The following OTOG variants were observed in gnomAD, a reference collection of about 807,000 sequenced individuals.
OTOG encodes the protein otogelin.
In OTOG, 296 loss-of-function variants were observed where a neutral mutation model predicts 313.8. The ratio of observed to expected loss-of-function variants is 0.94; its 90% CI spans 0.86 to 1.04. The LOEUF (loss-of-function observed/expected upper bound fraction) is 1.04, where lower values mean the gene tolerates loss of function less well. OTOG is among the 50% of genes least tolerant of loss of function. OTOG has a pLI of 0.00. For synonymous variants in OTOG, 1,533 were observed against 1,554.9 expected, an observed-to-expected ratio of 0.99 and a Z score of 0.33; for missense variants, 3,948 against 3,840.1, an observed-to-expected ratio of 1.03 and a Z score of -0.74.
At chr11:17,599,807 G>A (rs374687186) in intron 31 of OTOG, 110 bp downstream of exon 31, 32 of 1,323,718 alleles carry the variant, frequency 2.4e-5, no homozygotes, top group Middle Eastern at 3.6e-4. Flanking sequence ...TGGAAGAGCC[G>A]TGACCCGGAA....
In OTOG at chr11:17,586,532, G is replaced by T; in HGVS notation, c.2818G>T (p.Gly940Trp). The part of the protein sequence containing the change: ...LPEECPCTWK[G>W]KEYFPGDQVM... ...AGAGGAGTGCCCCTGCACTTGGAAG[G>T]GGAAGGAGTATTTCCCTGGGGACCA... is the stretch of plus-strand genomic sequence containing the variant. Residue 940 changes from glycine (G) to tryptophan (W), a missense_variant, in exon 24 of 56, where the codon GGG becomes TGG. Gly to Trp is a radical substitution (Grantham distance 184). Transcript: ENST00000399397. 2.1e-6 allele frequency: 3 copies of T among 1,452,244 alleles called. No individual in the cohort carries two copies. The highest frequency in any genetic ancestry group is 1.5e-5 in the South Asian group (1 of 67,698). 90.0% of individuals were successfully genotyped at this position (1,452,244 alleles called of 1,614,324 possible).
At chr11:17,635,567 A>G (rs1398329081) in intron 46 of OTOG, 43 bp from the exon 47 acceptor site, 2 of 1,471,884 alleles carry the variant, frequency 1.4e-6, no homozygotes, top group East Asian at 2.5e-5. Context: ...CCAGGCCCCT[A>G]TGAGAGGACT....
intron 48 of OTOG, 160 bp downstream of exon 48, chr11:17,638,709 A>G (rs1239719586): frequency 1.3e-6 from 2 of 1,534,228 alleles, no homozygotes; most frequent in East Asian, 2.5e-5. Context: ...CTGCATCCGC[A>G]CTCCAAGTGC....
chr11:17,589,214 C>T (rs192100719), intron 24 of OTOG, among the ~76,000 whole-genome samples: 3 of 152,228 alleles, frequency 2.0e-5, no homozygotes, highest in Non-Finnish European at 1.5e-5. Flanking sequence ...TCAGAAGGGT[C>T]GAAAAGGCCC....
Position 17,646,016 on chromosome 11 carries a change from A to C in OTOG, c.*72A>C. The C allele has an allele frequency of 7.1e-7, 1 of 1,410,578 alleles. No homozygotes were observed. Among genetic ancestry groups the C allele is most frequent in the African/African-American group, 1.4e-5 (1 of 70,578 alleles). The allele number at this position is 1,410,578 out of a possible 1,614,324, so 87.4% of individuals were successfully genotyped here. A position where few individuals can be genotyped will look rare whatever the true frequency, so the allele number is the denominator to read the frequency against. ...TCTGTTTCCAGCTGGCCCAATGTGA[A>C]TGGGGGTATTAAAGGTGGTAGAAAT... On this transcript the variant is annotated 3_prime_UTR_variant, in exon 56 of 56. Coordinates refer to ENST00000399397, the MANE Select transcript of OTOG (RefSeq NM_001292063.2).
rs538194505 is a variant in OTOG, at chr11:17,641,078, T to C, written c.8177T>C (p.Ile2726Thr). Residue 2726 changes from isoleucine (I) to threonine (T), a missense_variant, in exon 51 of 56, where the codon ATC becomes ACC. Coordinates refer to ENST00000399397, the MANE Select transcript of OTOG (RefSeq NM_001292063.2). ...AACACCACCTCCGTGCTCTGTGACA[T>C]CCACTGTGAGGCGGTAGGGTGCAGC... The part of the protein sequence containing the change: ...QINTTSVLCD[I>T]HCEANQEYEH... The C allele has an allele frequency of 7.0e-5, 76 of 1,086,198 alleles. 2 individuals are homozygous for C. In the South Asian group the frequency reaches 9.3e-4, roughly 13 times the overall value. The allele number at this position is 1,086,198 out of a possible 1,614,324, so 67.3% of individuals were successfully genotyped here.
Position 17,574,899 on chromosome 11 carries a change from C to T in OTOG, c.2473C>T (p.Leu825Phe), listed in dbSNP as rs1239441630. ...PDTYLDTQADLCVPRNQCSCH... is the reference protein window; with the variant it reads ...PDTYLDTQADFCVPRNQCSCH... The stretch of plus-strand genomic sequence containing the variant: ...CACCTATCTGGACACCCAGGCTGAC[C>T]TCTGTGTCCCCCGGTGAGTGGGTCA... Residue 825 changes from leucine to phenylalanine, a missense_variant, in exon 20 of 56, where the codon CTC (leucine) becomes TTC (phenylalanine). By Grantham distance (22) the Leu-to-Phe change is conservative. Transcript: ENST00000399397. The T allele has an allele frequency of 6.6e-7, 1 of 1,517,278 alleles. No individual in the cohort carries two copies. Among genetic ancestry groups the T allele is most frequent in the Admixed American group, 2.0e-5 (1 of 48,888 alleles). 94.0% of individuals were successfully genotyped at this position (1,517,278 alleles called of 1,614,324 possible). A position where few individuals can be genotyped will look rare whatever the true frequency, so the allele number is the denominator to read the frequency against.
At chr11:17,586,944 C>T (rs1045839194) in intron 24 of OTOG, among the ~76,000 whole-genome samples, 4 of 152,098 alleles carry the variant, frequency 2.6e-5, no homozygotes, top group African/African-American at 9.7e-5. Flanking sequence ...AAAAGGCAGG[C>T]ATTCACAAAT....
At position 17,613,657 on chromosome 11, in the gene OTOG, A is replaced by G; in HGVS notation, c.6484A>G (p.Thr2162Ala). The change falls in exon 39 of 56, where the codon ACT becomes GCT. Residue 2162 changes from threonine to alanine, a missense_variant. Coordinates refer to ENST00000399397, the MANE Select transcript of OTOG (RefSeq NM_001292063.2). ...GTTCTGTCTGGTGATGTTGAACATG[A>G]CTCACTTGGCCCATCAGGTCACTAT... ...PPFCLVMLNM[T>A]HLAHQVTIDR... is the part of the protein sequence containing the mutation. The G allele has an allele frequency of 6.4e-7, 1 of 1,550,600 alleles. No individual in the cohort carries two copies.
At chr11:17,566,324 G>A (rs1376975552) in intron 15 of OTOG, among the ~76,000 whole-genome samples, 5 of 152,110 alleles carry the variant, frequency 3.3e-5, no homozygotes, top group Non-Finnish European at 7.3e-5. Context: ...GGGAATAATG[G>A]TAAGAAAAGT....
In OTOG at chr11:17,639,329, C is replaced by T. The variant is rs548962766; in HGVS notation, c.7895-94C>T. ...GGCCTGGAGCTGGGTCTTCAGAAGACGGGTTGTGCCAGCAGTGAGAGGTCC... is the reference window on the plus strand; with the variant it reads ...GGCCTGGAGCTGGGTCTTCAGAAGATGGGTTGTGCCAGCAGTGAGAGGTCC... On this transcript the variant is annotated intron_variant, in intron 48 of 55. Transcript: ENST00000399397. The T allele has an allele frequency of 3.0e-5, 41 of 1,344,550 alleles. 1 individual carries two copies. In the South Asian group the frequency reaches 3.4e-4, roughly 11 times the overall value. 83.3% of individuals were successfully genotyped at this position (1,344,550 alleles called of 1,614,324 possible).
intron 1 of OTOG, 150 bp downstream of exon 1, chr11:17,547,616 G>C: frequency 8.0e-7 from 1 of 1,256,476 alleles, no homozygotes. Context: ...AGTCAGGGGA[G>C]GAGGGACCCC....
At chr11:17,599,502 A>G (rs564916541) in intron 30 of OTOG, among the ~76,000 whole-genome samples, 169 bp from the exon 31 acceptor site, 1 of 152,120 alleles carries the variant, frequency 6.6e-6, no homozygotes, top group African/African-American at 2.4e-5. Context: ...TCTTTCCTCC[A>G]CTTAAGACAT....
intron 48 of OTOG, 93 bp from the exon 49 acceptor site, chr11:17,639,330 G>T: frequency 7.4e-7 from 1 of 1,353,884 alleles, no homozygotes; most frequent in South Asian, 1.3e-5. Context: ...TTCAGAAGAC[G>T]GGTTGTGCCA....
intron 38 of OTOG, among the ~76,000 whole-genome samples, chr11:17,613,192 TTCTTTTCTTTC>T (rs1853613919): frequency 1.0e-5 from 1 of 97,950 alleles, no homozygotes; most frequent in South Asian, 3.4e-4. Context: ...CTTTCTTTCT[TTCTTTTCTTTC>T]TTTCTTTCTT....
At chr11:17,576,672 G>A in intron 21 of OTOG, 42 bp downstream of exon 21, 3 of 1,515,862 alleles carry the variant, frequency 2.0e-6, no homozygotes, top group Middle Eastern at 1.7e-4. Flanking sequence ...TCTCTTTAAA[G>A]GGAGGCTGCT....
At position 17,609,989 on chromosome 11, in the gene OTOG, T is replaced by C. The variant is rs201851353; in HGVS notation, c.4689T>C (p.His1563=). 3.9e-6 allele frequency: 6 copies of C among 1,543,728 alleles called. No homozygotes were observed. Among genetic ancestry groups the C allele is most frequent in the Admixed American group, 2.0e-5 (1 of 50,696 alleles). Reference sequence around the variant, plus strand: ...CTGCCAGCCTCCTGGCCATCCCCCATACACCAGAGTCCTCATCCCTCCCTG... The same window carrying C: ...CTGCCAGCCTCCTGGCCATCCCCCACACACCAGAGTCCTCATCCCTCCCTG... The part of the protein sequence containing the change: ...GVTASLLAIP[H]TPESSSLPVA... Residue 1563 remains histidine (H), a synonymous_variant, in exon 36 of 56, where the codon CAT becomes CAC. Transcript: ENST00000399397.
At chr11:17,563,865 T>G (rs1346458804) in intron 15 of OTOG, among the ~76,000 whole-genome samples, 1 of 149,020 alleles carries the variant, frequency 6.7e-6, no homozygotes, top group East Asian at 1.9e-4. Flanking sequence ...TTTTTTTTTT[T>G]TTTTTTTTTT....
intron 46 of OTOG, 138 bp downstream of exon 46, chr11:17,635,325 T>C (rs965477046): frequency 4.3e-6 from 3 of 704,208 alleles, no homozygotes; most frequent in Non-Finnish European, 7.0e-6. Context: ...ACAAGCTCAC[T>C]GTCCAGGAAA....
Sources: allele counts gnomAD v4.1 joint callset (sites outside exome capture counted in the v4.1 genomes callset), GRCh38; gene constraint gnomAD v4.1.1; transcripts MANE v1.5; gene names NCBI Gene and HGNC (gene_info 2026-07-23, HGNC 2026-07-21).